SCAPER: variants seen among roughly 807,000 people sequenced by gnomAD.
SCAPER encodes the protein S-phase cyclin A associated protein in the ER.
SCAPER carries 98 observed loss-of-function variants against 182.2 expected under a neutral mutation model. The ratio of observed to expected loss-of-function variants is 0.54; its 90% CI spans 0.46 to 0.64. SCAPER has a LOEUF of 0.64. SCAPER is among the 30% of genes least tolerant of loss of function. SCAPER has a pLI of 0.00. For synonymous variants in SCAPER, 605 were observed against 564.6 expected (o/e 1.07, Z -1.01); for missense variants, 1,432 against 1,690.0 (o/e 0.85, Z 2.68).
chr15:76,846,494 A>T (rs2070102984), intron 4 of SCAPER, among the ~76,000 whole-genome samples: 1 of 152,174 alleles, frequency 6.6e-6, no homozygotes, highest in African/African-American at 2.4e-5. Flanking sequence ...AGCTAAAACA[A>T]CTCAATAGGA....
At chr15:76,352,512 C>T (rs547636642) in intron 30 of SCAPER, among the ~76,000 whole-genome samples, 26 of 148,288 alleles carry the variant, frequency 1.8e-4, no homozygotes, top group Non-Finnish European at 3.4e-4. Flanking sequence ...GATGGAGTCT[C>T]GCTCTGTCAC....
chr15:76,546,034 C>T (rs564370591), intron 23 of SCAPER, among the ~76,000 whole-genome samples: 7 of 152,180 alleles, frequency 4.6e-5, no homozygotes, highest in East Asian at 1.9e-4. Context: ...ACATCCAGAA[C>T]GCACAGAAGA....
chr15:76,391,606 C>T (rs1201803330), intron 27 of SCAPER, among the ~76,000 whole-genome samples: 1 of 152,190 alleles, frequency 6.6e-6, no homozygotes, highest in Non-Finnish European at 1.5e-5. Context: ...GTGGGCAGTC[C>T]TTCTTCTTAT....
intron 20 of SCAPER, among the ~76,000 whole-genome samples, chr15:76,678,747 A>C (rs1227990056): frequency 2.0e-5 from 3 of 152,132 alleles, no homozygotes; most frequent in Non-Finnish European, 2.9e-5. Context: ...CTCACCTAAA[A>C]ACAAAGGGCA....
At position 76,587,615 on chromosome 15, in the gene SCAPER, T is replaced by C. The variant is rs556618107; in HGVS notation, c.2712-13331A>G. ...TTGAAAATTCCTTTTGGAGTTGATA[T>C]CCAATTTTATTCCACTGTGGTCTGA... is the stretch of plus-strand genomic sequence containing the variant. On this transcript the variant is annotated intron_variant, in intron 22 of 31. Coordinates refer to ENST00000563290, the MANE Select transcript of SCAPER (RefSeq NM_020843.4). Among the ~76,000 whole-genome samples, 20 of 152,334 alleles carry C rather than the reference T, an allele frequency of 1.3e-4. No homozygotes were observed. The South Asian group carries it at 2.9e-3, about 22-fold the overall frequency.
chr15:76,821,227 G>A (rs1406687517), intron 5 of SCAPER, among the ~76,000 whole-genome samples: 1 of 152,216 alleles, frequency 6.6e-6, no homozygotes, highest in East Asian at 1.9e-4. Flanking sequence ...AAGCCACCAA[G>A]ACGTTCTTCA....
chr15:76,699,919 A>T (rs1454460437), intron 20 of SCAPER, among the ~76,000 whole-genome samples: 1 of 152,170 alleles, frequency 6.6e-6, no homozygotes, highest in East Asian at 1.9e-4. Context: ...TGCCAGTAGC[A>T]GCATGGTGGC....
intron 23 of SCAPER, among the ~76,000 whole-genome samples, chr15:76,555,216 T>A (rs1487635048): frequency 6.6e-6 from 1 of 152,176 alleles, no homozygotes; most frequent in Admixed American, 6.5e-5. Flanking sequence ...GCAGAACTCC[T>A]CTACGAAAGG....
chr15:76,820,342 A>G lies in SCAPER; in HGVS notation c.394-15709T>C, dbSNP rs1203328436. ...TAGCAAAGACTTGGAACCAACCCAA[A>G]TGTCCAACAAGGATAGACTGGATTA... On this transcript the variant is annotated intron_variant, in intron 5 of 31. Transcript: ENST00000563290. Among the ~76,000 whole-genome samples the G allele has an allele frequency of 3.3e-5, 5 of 152,176 alleles. No homozygotes were observed. The East Asian group carries it at 5.8e-4, about 18-fold the overall frequency.
intron 23 of SCAPER, among the ~76,000 whole-genome samples, chr15:76,554,701 T>C (rs1401012070): frequency 1.5e-4 from 23 of 150,582 alleles, no homozygotes; most frequent in Admixed American, 1.5e-3. Context: ...TAAGGCCACT[T>C]ACAAAGGGAA....
At chr15:76,704,366 C>T (rs2059130638) in intron 18 of SCAPER, among the ~76,000 whole-genome samples, 2 of 152,116 alleles carry the variant, frequency 1.3e-5, no homozygotes, top group African/African-American at 4.8e-5. Context: ...GTGGCCATTG[C>T]TTTTGGTGTT....
chr15:76,856,090 A>T (rs1487489380), intron 4 of SCAPER, among the ~76,000 whole-genome samples: 2 of 152,252 alleles, frequency 1.3e-5, no homozygotes, highest in Non-Finnish European at 2.9e-5. Context: ...CTATGTAGCC[A>T]TAAAAAAGAA....
At chr15:76,409,176 T>A (rs1366302438) in intron 26 of SCAPER, among the ~76,000 whole-genome samples, 1 of 152,160 alleles carries the variant, frequency 6.6e-6, no homozygotes, top group Non-Finnish European at 1.5e-5. Context: ...AAATTCATTT[T>A]GTCAATCTCA....
intron 8 of SCAPER, among the ~76,000 whole-genome samples, chr15:76,778,625 A>G (rs754935036): frequency 3.3e-5 from 5 of 150,922 alleles, no homozygotes; most frequent in Non-Finnish European, 4.4e-5. Flanking sequence ...AATTATTTAA[A>G]CACATAAGTG....
chr15:76,644,291 G>T (rs2054357443), intron 21 of SCAPER, among the ~76,000 whole-genome samples: 1 of 152,016 alleles, frequency 6.6e-6, no homozygotes. Context: ...TTTGCAAAAA[G>T]GTAAAATAAT....
intron 1 of SCAPER, among the ~76,000 whole-genome samples, chr15:76,896,984 T>C (rs1317529970): frequency 3.9e-5 from 6 of 152,068 alleles, no homozygotes; most frequent in Non-Finnish European, 7.4e-5. Context: ...GAGTAAGTTC[T>C]GAAGTCAGAC....
chr15:76,457,136 C>T (rs574748610), intron 25 of SCAPER, among the ~76,000 whole-genome samples: 2 of 151,880 alleles, frequency 1.3e-5, no homozygotes, highest in South Asian at 2.1e-4. Context: ...AATCTTGGCT[C>T]GCCGCAACCT....
At chr15:76,415,274 G>A (rs983150356) in intron 26 of SCAPER, among the ~76,000 whole-genome samples, 2 of 151,962 alleles carry the variant, frequency 1.3e-5, no homozygotes, top group Non-Finnish European at 2.9e-5. Flanking sequence ...TTTGGTATTT[G>A]GTATAAATTT....
At chr15:76,429,758 G>A (rs765173380) in intron 26 of SCAPER, among the ~76,000 whole-genome samples, 4 of 152,136 alleles carry the variant, frequency 2.6e-5, no homozygotes, top group Non-Finnish European at 4.4e-5. Context: ...GCCTGACTAC[G>A]CGATAGAAAA....
Sources: allele counts gnomAD v4.1 joint callset (sites outside exome capture counted in the v4.1 genomes callset), GRCh38; gene constraint gnomAD v4.1.1; transcripts MANE v1.5; gene names NCBI Gene and HGNC (gene_info 2026-07-23, HGNC 2026-07-21).